MED13: variants seen among roughly 807,000 people sequenced by gnomAD.
The protein encoded by MED13 is mediator of RNA polymerase II transcription subunit 13.
A neutral mutation model predicts 225.2 loss-of-function variants in MED13; 23 were observed. That is an observed-to-expected ratio of 0.10 (90% CI 0.07 to 0.14). MED13 has a LOEUF of 0.14. Ranked by LOEUF, MED13 falls within the 10% of genes least tolerant of loss-of-function variation. MED13 has a pLI of 1.00. For missense variants in MED13, 2,197 were observed against 2,594.5 expected, an observed-to-expected ratio of 0.85 and a Z score of 3.33; for synonymous variants, 942 against 889.2, an observed-to-expected ratio of 1.06 and a Z score of -1.06.
chr17:62,052,409 T>C (rs2080964322), intron 3 of MED13, 128 bp downstream of exon 3: 2 of 578,170 alleles, frequency 3.5e-6, no homozygotes, highest in Non-Finnish European at 5.4e-6. Context: ...TGACTGTATC[T>C]AGTACTCTGT....
intron 9 of MED13, among the ~76,000 whole-genome samples, chr17:61,999,277 G>A (rs189724845): frequency 3.9e-5 from 6 of 152,262 alleles, no homozygotes; most frequent in South Asian, 2.1e-4. Flanking sequence ...AATAAAACAT[G>A]TAAAGAACTA....
At chr17:61,994,431 T>G (rs1417795108) in intron 10 of MED13, among the ~76,000 whole-genome samples, 1 of 152,252 alleles carries the variant, frequency 6.6e-6, no homozygotes, top group African/African-American at 2.4e-5. Context: ...TACTTCTAGG[T>G]GCACTGTAAG....
intron 5 of MED13, among the ~76,000 whole-genome samples, 171 bp from the exon 6 acceptor site, chr17:62,031,809 CTCT>C (rs755936901): frequency 6.4e-4 from 79 of 122,820 alleles, no homozygotes; most frequent in South Asian, 1.3e-3. Flanking sequence ...TTTTTTTTTT[CTCT>C]TTTTTAGAAG....
chr17:62,026,681 G>T (rs1388337872), intron 8 of MED13, among the ~76,000 whole-genome samples: 1 of 151,988 alleles, frequency 6.6e-6, no homozygotes, highest in Non-Finnish European at 1.5e-5. Context: ...TCTAGACCTG[G>T]AAAACCTCAC....
chr17:61,995,811 T>C (rs1398838490), intron 9 of MED13, among the ~76,000 whole-genome samples: 1 of 152,210 alleles, frequency 6.6e-6, no homozygotes, highest in Non-Finnish European at 1.5e-5. Context: ...GTATTTTTTT[T>C]TTACTGCCAT....
At chr17:62,021,642 A>T (rs2080648612) in intron 8 of MED13, among the ~76,000 whole-genome samples, 1 of 152,266 alleles carries the variant, frequency 6.6e-6, no homozygotes, top group African/African-American at 2.4e-5. Flanking sequence ...AAACAATTTT[A>T]TGCTTCTCAC....
chr17:62,013,806 C>T (rs573277612), intron 8 of MED13, among the ~76,000 whole-genome samples: 11 of 152,044 alleles, frequency 7.2e-5, no homozygotes, highest in Admixed American at 3.3e-4. Context: ...TTTGGGAGGC[C>T]GAGGTAGGTG....
intron 3 of MED13, among the ~76,000 whole-genome samples, chr17:62,044,594 T>C (rs553929099): frequency 1.4e-4 from 21 of 152,380 alleles, no homozygotes; most frequent in African/African-American, 5.0e-4. Context: ...ATATCCTATA[T>C]GTACATGTCT....
chr17:61,964,879 T>G, intron 20 of MED13, 127 bp downstream of exon 20: 1 of 841,970 alleles, frequency 1.2e-6, no homozygotes, highest in South Asian at 1.9e-5. Flanking sequence ...GAGGTTGCAG[T>G]GAGTGCAGAT....
intron 17 of MED13, among the ~76,000 whole-genome samples, chr17:61,969,329 G>C (rs2080086586): frequency 6.6e-6 from 1 of 151,548 alleles, no homozygotes; most frequent in Admixed American, 6.6e-5. Flanking sequence ...GTCAGCCCAG[G>C]CAAAAAGAGC....
intron 6 of MED13, 136 bp from the exon 7 acceptor site, chr17:62,030,149 G>T: frequency 1.1e-6 from 1 of 908,904 alleles, no homozygotes. Context: ...GAGATAAAAA[G>T]CATGCTACTT....
chr17:61,954,507 T>A (rs2079924764), intron 26 of MED13, among the ~76,000 whole-genome samples: 1 of 152,198 alleles, frequency 6.6e-6, no homozygotes, highest in Admixed American at 6.5e-5. Context: ...CTGGGCATGG[T>A]GGCTCATGTT....
intron 3 of MED13, among the ~76,000 whole-genome samples, chr17:62,047,133 G>A (rs2080904975): frequency 6.6e-6 from 1 of 152,006 alleles, no homozygotes; most frequent in Non-Finnish European, 1.5e-5. Flanking sequence ...GCCTTTGGGA[G>A]GCCGACATGG....
At chr17:62,017,720 T>G (rs2080596560) in intron 8 of MED13, among the ~76,000 whole-genome samples, 1 of 152,172 alleles carries the variant, frequency 6.6e-6, no homozygotes, top group African/African-American at 2.4e-5. Flanking sequence ...CAGTTTGTTG[T>G]TTTTTATGAT....
rs1370081685 is a variant in MED13 at position 61,946,198 on chromosome 17, T to C, written c.*270A>G. ...ATGGCTCATTACTTTTCACAAATAC[T>C]GTGACTGGAAAAAAAAAAGGTTAAT... On this transcript the variant is annotated 3_prime_UTR_variant, in exon 30 of 30. Coordinates refer to ENST00000397786, the MANE Select transcript of MED13 (RefSeq NM_005121.3). The C allele has an allele frequency of 3.2e-6, 1 of 309,846 alleles. No homozygotes were observed. The highest frequency in any genetic ancestry group is 6.0e-6 in the Non-Finnish European group (1 of 165,950). The allele number at this position is 309,846 out of a possible 1,614,324, so 19.2% of individuals were successfully genotyped here. A position where few individuals can be genotyped will look rare whatever the true frequency, so the allele number is the denominator to read the frequency against.
At chr17:61,974,357 T>C (rs568687364) in intron 16 of MED13, among the ~76,000 whole-genome samples, 28 of 152,164 alleles carry the variant, frequency 1.8e-4, no homozygotes, top group African/African-American at 5.3e-4. Context: ...TGAGCCATGA[T>C]AGCGTAACAC....
rs151087428 is a variant in MED13 at position 62,017,813 on chromosome 17, T to C, written c.1284-6580A>G. The stretch of plus-strand genomic sequence containing the variant: ...ATCCTTATACAATCTTTTTACACTC[T>C]GTATAAAGAAATAGGTAGTGCATAT... On this transcript the variant is annotated intron_variant, in intron 8 of 29. Coordinates refer to ENST00000397786, the MANE Select transcript of MED13 (RefSeq NM_005121.3). Among the ~76,000 whole-genome samples, 565 of 152,318 alleles carry C rather than the reference T, an allele frequency of 3.7e-3. 2 individuals are homozygous for C. Among genetic ancestry groups the C allele is most frequent in the African/African-American group, 0.012 (513 of 41,574 alleles).
At chr17:61,998,736 A>T (rs1165663036) in intron 9 of MED13, among the ~76,000 whole-genome samples, 1 of 151,050 alleles carries the variant, frequency 6.6e-6, no homozygotes, top group Non-Finnish European at 1.5e-5. Flanking sequence ...AGTAGCTGGG[A>T]CTACAGGTGT....
At chr17:62,053,803 G>A (rs2080975462) in intron 2 of MED13, among the ~76,000 whole-genome samples, 1 of 152,044 alleles carries the variant, frequency 6.6e-6, no homozygotes, top group South Asian at 2.1e-4. Flanking sequence ...CTGAATAAAA[G>A]CAAAGACATG....
Sources: allele counts gnomAD v4.1 joint callset (sites outside exome capture counted in the v4.1 genomes callset), GRCh38; gene constraint gnomAD v4.1.1; transcripts MANE v1.5; gene names NCBI Gene and HGNC (gene_info 2026-07-23, HGNC 2026-07-21).